CAMKMT: variants seen among roughly 807,000 people sequenced by gnomAD.
CAMKMT encodes CaM KMT.
Under a neutral mutation model 48.0 loss-of-function variants are expected in CAMKMT, and 53 were observed. That is an observed-to-expected ratio of 1.10 (90% CI 0.89 to 1.39). The LOEUF (loss-of-function observed/expected upper bound fraction) is 1.39, where lower values mean the gene tolerates loss of function less well. Ranked by LOEUF, CAMKMT falls within the 40% of genes most tolerant of loss-of-function variation. The pLI, the probability that CAMKMT is intolerant of heterozygous loss-of-function variation, is 0.00. For synonymous variants in CAMKMT, 165 were observed against 152.3 expected (o/e 1.08, Z -0.61); for missense variants, 428 against 402.7 (o/e 1.06, Z -0.54).
At chr2:44,592,665 G>A (rs1231418432) in intron 3 of CAMKMT, among the ~76,000 whole-genome samples, 1 of 152,164 alleles carries the variant, frequency 6.6e-6, no homozygotes, top group Admixed American at 6.5e-5. Context: ...AGGTATGTAA[G>A]TATAGGAAAA....
At chr2:44,483,159 C>G (rs373206625) in intron 3 of CAMKMT, among the ~76,000 whole-genome samples, 7 of 152,268 alleles carry the variant, frequency 4.6e-5, no homozygotes, top group African/African-American at 1.7e-4. Flanking sequence ...CCTCTCTACT[C>G]TCTTACCTGA....
intron 7 of CAMKMT, among the ~76,000 whole-genome samples, chr2:44,724,665 G>A (rs1678679358): frequency 6.6e-6 from 1 of 152,146 alleles, no homozygotes; most frequent in African/African-American, 2.4e-5. Context: ...TCATGTGAGA[G>A]CTTTACTCCC....
chr2:44,367,960 TTTAG>T (rs1320037509), intron 1 of CAMKMT, among the ~76,000 whole-genome samples: 5 of 152,214 alleles, frequency 3.3e-5, no homozygotes, highest in African/African-American at 9.6e-5. Context: ...TTATGATCAG[TTTAG>T]TTAGTTCTGG....
At position 44,622,762 on chromosome 2, in the gene CAMKMT, G is replaced by A. The variant is rs191744965; in HGVS notation, c.377-81521G>A. On this transcript the variant is annotated intron_variant, in intron 3 of 10. Transcript: ENST00000378494. ...TGTTGATGGGCTGGTTTGATTCCATGTCTTTGCCACTGTGAATAGTGCTGT... is the reference window on the plus strand; with the variant it reads ...TGTTGATGGGCTGGTTTGATTCCATATCTTTGCCACTGTGAATAGTGCTGT... 4.5e-4 allele frequency among the ~76,000 whole-genome samples: 68 copies of A among 152,286 alleles called. No homozygotes were observed. The East Asian group carries it at 9.4e-3, about 21-fold the overall frequency.
intron 3 of CAMKMT, among the ~76,000 whole-genome samples, chr2:44,422,830 C>G (rs1684021150): frequency 6.6e-6 from 1 of 151,990 alleles, no homozygotes; most frequent in African/African-American, 2.4e-5. Flanking sequence ...TTCAGCTTCT[C>G]TAAGAGGTGA....
At chr2:44,382,389 G>T (rs2104390326) in intron 2 of CAMKMT, among the ~76,000 whole-genome samples, 1 of 151,966 alleles carries the variant, frequency 6.6e-6, no homozygotes, top group East Asian at 1.9e-4. Context: ...TTTTATTTGT[G>T]ATTGGTGACT....
intron 3 of CAMKMT, among the ~76,000 whole-genome samples, chr2:44,684,283 G>T (rs1031923021): frequency 6.6e-6 from 1 of 152,162 alleles, no homozygotes; most frequent in Non-Finnish European, 1.5e-5. Flanking sequence ...CGTGTGTCCT[G>T]GTGTGAAAGG....
chr2:44,558,560 G>A (rs941141539), intron 3 of CAMKMT, among the ~76,000 whole-genome samples: 1 of 152,096 alleles, frequency 6.6e-6, no homozygotes, highest in Non-Finnish European at 1.5e-5. Context: ...GATTGGATAA[G>A]GAAATTGTGG....
At position 44,618,287 on chromosome 2, in the gene CAMKMT, C is replaced by T. The variant is rs1671999786; in HGVS notation, c.377-85996C>T. On this transcript the variant is annotated intron_variant, in intron 3 of 10. Coordinates refer to ENST00000378494, the MANE Select transcript of CAMKMT (RefSeq NM_024766.5). This position sits in a 1 kb window ranked among gnomAD's most constrained non-coding sequence, Gnocchi z 4.0. ...TCAGAAGACAGCTGAAGCATAAGAG[C>T]TTGCACTGCCATCAGAGTCATTTTA... 6.6e-6 allele frequency among the ~76,000 whole-genome samples: 1 copy of T among 152,152 alleles called. No homozygotes were observed. The highest frequency in any genetic ancestry group is 2.4e-5 in the African/African-American group (1 of 41,440).
At chr2:44,656,544 G>C (rs1314686407) in intron 3 of CAMKMT, among the ~76,000 whole-genome samples, 1 of 152,110 alleles carries the variant, frequency 6.6e-6, no homozygotes, top group Non-Finnish European at 1.5e-5. Context: ...TGACTGTAAT[G>C]AAACACATTA....
intron 3 of CAMKMT, among the ~76,000 whole-genome samples, chr2:44,544,918 C>T (rs1374673283): frequency 6.6e-6 from 1 of 152,030 alleles, no homozygotes; most frequent in Non-Finnish European, 1.5e-5. Context: ...CCAATGATGA[C>T]TAGGTTATTA....
chr2:44,620,501 T>C (rs1374703101), intron 3 of CAMKMT, among the ~76,000 whole-genome samples: 3 of 152,206 alleles, frequency 2.0e-5, no homozygotes, highest in Non-Finnish European at 4.4e-5. Flanking sequence ...ACATTTATGA[T>C]TTTCAGCCTC....
intron 3 of CAMKMT, among the ~76,000 whole-genome samples, chr2:44,580,183 C>T (rs1344039293): frequency 4.0e-5 from 6 of 151,494 alleles, no homozygotes; most frequent in Non-Finnish European, 8.8e-5. Context: ...CTATTGAAAA[C>T]CAGTAATGAC....
rs1179638650 is a variant in CAMKMT at position 44,487,421 on chromosome 2, A to C, written c.376+97116A>C. Among the ~76,000 whole-genome samples the C allele has an allele frequency of 4.6e-5, 7 of 152,306 alleles. No individual in the cohort carries two copies. The South Asian group carries it at 6.2e-4, about 14-fold the overall frequency. ...ATATAAAGTTGAAATATGTACTATC[A>C]TGATAATTATAATCAAATAGAGAGG... is the stretch of plus-strand genomic sequence containing the variant. On this transcript the variant is annotated intron_variant, in intron 3 of 10. Coordinates refer to ENST00000378494, the MANE Select transcript of CAMKMT (RefSeq NM_024766.5).
chr2:44,552,701 T>G (rs1239005190), intron 3 of CAMKMT, among the ~76,000 whole-genome samples: 3 of 152,202 alleles, frequency 2.0e-5, no homozygotes, highest in African/African-American at 7.2e-5. Flanking sequence ...ATGAGGAAAC[T>G]GAGATACAGA....
intron 3 of CAMKMT, among the ~76,000 whole-genome samples, chr2:44,630,069 C>G (rs1572954403): frequency 6.6e-6 from 1 of 151,356 alleles, no homozygotes; most frequent in Admixed American, 6.6e-5. Flanking sequence ...TGGAACAGAA[C>G]AGAGCCCTCA....
intron 3 of CAMKMT, among the ~76,000 whole-genome samples, chr2:44,495,576 A>C (rs1669715218): frequency 6.6e-6 from 1 of 152,240 alleles, no homozygotes; most frequent in South Asian, 2.1e-4. Context: ...CTGGTAATCT[A>C]ACTTTGGGTT....
intron 3 of CAMKMT, among the ~76,000 whole-genome samples, chr2:44,574,511 C>T (rs1335423845): frequency 6.6e-6 from 1 of 151,752 alleles, no homozygotes; most frequent in African/African-American, 2.4e-5. Context: ...GGTGCACTTG[C>T]AAAGAAATCC....
chr2:44,430,997 A>G (rs1321240534), intron 3 of CAMKMT, among the ~76,000 whole-genome samples: 2 of 152,226 alleles, frequency 1.3e-5, no homozygotes, highest in Non-Finnish European at 2.9e-5. Flanking sequence ...AGTTACTTTA[A>G]AATTTCAGTT....
Sources: allele counts gnomAD v4.1 joint callset (sites outside exome capture counted in the v4.1 genomes callset), GRCh38; gene constraint gnomAD v4.1.1; non-coding constraint Gnocchi (gnomAD v3.1); transcripts MANE v1.5; gene names NCBI Gene and HGNC (gene_info 2026-07-23, HGNC 2026-07-21).